FMN1: variants seen among roughly 807,000 people sequenced by gnomAD.
FMN1 encodes formin 1.
In FMN1, 110 loss-of-function variants were observed where a neutral mutation model predicts 132.4. That is an observed-to-expected ratio of 0.83 (90% CI 0.71 to 0.97). The LOEUF is 0.97. Among genes scored for constraint, FMN1 ranks in the 50% least tolerant of loss-of-function variants. The pLI is 0.00. For missense variants in FMN1, 1,792 were observed against 1,705.3 expected, an observed-to-expected ratio of 1.05 and a Z score of -0.90; for synonymous variants, 722 against 651.7, an observed-to-expected ratio of 1.11 and a Z score of -1.64.
At chr15:33,070,325 G>A (rs1215577553) in intron 5 of FMN1, among the ~76,000 whole-genome samples, 2 of 151,260 alleles carry the variant, frequency 1.3e-5, no homozygotes, top group Admixed American at 6.6e-5. Flanking sequence ...CTTCTTACGA[G>A]CAATGCAGAT....
intron 9 of FMN1, among the ~76,000 whole-genome samples, chr15:32,956,448 T>C (rs1453173901): frequency 6.6e-6 from 1 of 152,108 alleles, no homozygotes; most frequent in African/African-American, 2.4e-5. Context: ...CAAGGTGGAA[T>C]TTTTGTAAAC....
intron 4 of FMN1, among the ~76,000 whole-genome samples, chr15:33,095,045 A>C (rs1356557447): frequency 6.6e-6 from 1 of 152,188 alleles, no homozygotes; most frequent in Non-Finnish European, 1.5e-5. Flanking sequence ...AAATTTTAGT[A>C]TGTTTGGTTA....
intron 17 of FMN1, among the ~76,000 whole-genome samples, chr15:32,855,042 A>G (rs2059095799): frequency 6.6e-6 from 1 of 151,878 alleles, no homozygotes; most frequent in Admixed American, 6.6e-5. Context: ...CTTGGTCTCT[A>G]ACATAGAGCC....
At chr15:33,116,168 C>CTT (rs2140149315) in intron 4 of FMN1, among the ~76,000 whole-genome samples, 1 of 152,234 alleles carries the variant, frequency 6.6e-6, no homozygotes, top group African/African-American at 2.4e-5. Context: ...ACTTAAATCC[C>CTT]CATTTATACA....
intron 20 of FMN1, 110 bp from the exon 21 acceptor site, chr15:32,774,464 G>A (rs986080688): frequency 9.6e-6 from 8 of 831,344 alleles, no homozygotes; most frequent in Non-Finnish European, 1.6e-5. Flanking sequence ...TGTGCCAAAT[G>A]GCCTAGAAAT....
At chr15:33,001,733 T>G (rs969970991) in intron 7 of FMN1, among the ~76,000 whole-genome samples, 10 of 145,256 alleles carry the variant, frequency 6.9e-5, no homozygotes, top group African/African-American at 2.5e-4. Flanking sequence ...CTCCTCTTCT[T>G]TTTTGATACA....
At chr15:32,871,114 G>A (rs1356693095) in intron 16 of FMN1, among the ~76,000 whole-genome samples, 1 of 152,168 alleles carries the variant, frequency 6.6e-6, no homozygotes, top group Non-Finnish European at 1.5e-5. Context: ...GCCTCTGAAG[G>A]GGAAGGGAAC....
At chr15:33,034,234 C>T (rs1178905280) in intron 6 of FMN1, among the ~76,000 whole-genome samples, 1 of 152,090 alleles carries the variant, frequency 6.6e-6, no homozygotes, top group African/African-American at 2.4e-5. Flanking sequence ...CTAATCTTCC[C>T]CCTAAACATG....
At position 32,964,116 on chromosome 15, in the gene FMN1, C is replaced by T; in HGVS notation, c.3129G>A (p.Lys1043=). 6.2e-7 allele frequency: 1 copy of T among 1,607,580 alleles called. No individual in the cohort carries two copies. The highest frequency in any genetic ancestry group is 8.5e-7 in the Non-Finnish European group (1 of 1,177,016). Residue 1043 remains lysine (K), a synonymous_variant, in exon 9 of 21, where the codon AAG becomes AAA. Coordinates refer to ENST00000616417, the MANE Select transcript of FMN1 (RefSeq NM_001277313.2). ...PLSETYEKKN[K]VKKIIKLLDG... ...CATAATCACTCAGTACCTTTTTGAC[C>T]TTGTTTTTCTTCTCATAAGTCTCTG...
chr15:33,191,316 A>C lies in FMN1; in HGVS notation c.-197+2593T>G, dbSNP rs148425040. On this transcript the variant is annotated intron_variant, in intron 2 of 20. Coordinates refer to ENST00000616417, the MANE Select transcript of FMN1 (RefSeq NM_001277313.2). ...CACTTTAGAAGGAAGAGATAGGCATAGTTCGAATAAGATGGAACATAAAAC... is the reference window on the plus strand; with the variant it reads ...CACTTTAGAAGGAAGAGATAGGCATCGTTCGAATAAGATGGAACATAAAAC... Among the ~76,000 whole-genome samples, 391 of 152,378 alleles carry C rather than the reference A, an allele frequency of 2.6e-3. 3 individuals carry two copies. The highest frequency in any genetic ancestry group is 8.7e-3 in the African/African-American group (362 of 41,592).
At chr15:33,168,652 G>T (rs1360060526) in intron 3 of FMN1, among the ~76,000 whole-genome samples, 1 of 152,228 alleles carries the variant, frequency 6.6e-6, no homozygotes, top group African/African-American at 2.4e-5. Context: ...AAGGGTCAAA[G>T]TGTCAAAGTT....
chr15:32,934,927 CT>C (rs71309472), intron 9 of FMN1, among the ~76,000 whole-genome samples: 238 of 141,202 alleles, frequency 1.7e-3, no homozygotes, highest in East Asian at 2.1e-3. Context: ...TTTTCTTTTT[CT>C]TTTTTTTTTT....
At position 32,783,744 on chromosome 15, in the gene FMN1, CAAAAAAAAAAAAAAAAAAAAAAAAAA is replaced by C. The variant is rs533699379; in HGVS notation, c.4131-6851_4131-6826del. Among the ~76,000 whole-genome samples, 15 of 64,250 alleles carry C rather than the reference CAAAAAAAAAAAAAAAAAAAAAAAAAA, an allele frequency of 2.3e-4. 1 individual carries two copies. The South Asian group carries it at 3.2e-3, about 14-fold the overall frequency. The allele number at this position is 64,250 out of a possible 152,430, so 42.2% of individuals were successfully genotyped here. A position where few individuals can be genotyped will look rare whatever the true frequency, so the allele number is the denominator to read the frequency against. On this transcript the variant is annotated intron_variant, in intron 19 of 20. Transcript: ENST00000616417. ...TGGGCGACAGAGCGAGACTCTGTTT[CAAAAAAAAAAAAAAAAAAAAAAAAAA>C]AAAAAAAAAAAAAATAGTTGAAGTG... is the stretch of plus-strand genomic sequence containing the variant.
intron 4 of FMN1, among the ~76,000 whole-genome samples, chr15:33,146,957 G>A (rs745636522): frequency 2.6e-4 from 40 of 151,986 alleles, no homozygotes; most frequent in Admixed American, 2.2e-3. Flanking sequence ...GGCAGATCAC[G>A]AGGTCAGGAG....
intron 12 of FMN1, among the ~76,000 whole-genome samples, chr15:32,903,527 T>C (rs1035958016): frequency 6.6e-6 from 1 of 150,592 alleles, no homozygotes; most frequent in African/African-American, 2.5e-5. Flanking sequence ...GGCCCTGCAT[T>C]TCTCCCCTTC....
At chr15:33,129,453 G>A (rs1260159720) in intron 4 of FMN1, among the ~76,000 whole-genome samples, 2 of 152,186 alleles carry the variant, frequency 1.3e-5, no homozygotes, top group Non-Finnish European at 1.5e-5. Context: ...CTCAGTACCT[G>A]CACATGGGTA....
intron 6 of FMN1, chr15:33,012,830 G>A: frequency 1.6e-6 from 1 of 636,550 alleles, no homozygotes; most frequent in South Asian, 1.4e-5. Flanking sequence ...GGATATGGTA[G>A]CAGTGGGGGT....
chr15:33,037,008 T>C (rs2036221899), intron 6 of FMN1, among the ~76,000 whole-genome samples: 1 of 152,272 alleles, frequency 6.6e-6, no homozygotes, highest in Admixed American at 6.5e-5. Flanking sequence ...CATTCTGCTA[T>C]ATTTCCTTTT....
intron 4 of FMN1, among the ~76,000 whole-genome samples, chr15:33,118,251 C>A (rs34130718): frequency 1.7e-4 from 26 of 152,152 alleles, no homozygotes; most frequent in Non-Finnish European, 3.4e-4. Flanking sequence ...GCAATTATAT[C>A]GTAAGAGATT....
Sources: allele counts gnomAD v4.1 joint callset (sites outside exome capture counted in the v4.1 genomes callset), GRCh38; gene constraint gnomAD v4.1.1; transcripts MANE v1.5; gene names NCBI Gene and HGNC (gene_info 2026-07-23, HGNC 2026-07-21).